GABRB3: variants seen among roughly 807,000 people sequenced by gnomAD.
GABRB3 encodes gamma-aminobutyric acid receptor subunit beta-3.
In GABRB3, 14 loss-of-function variants were observed where a neutral mutation model predicts 52.1. The observed-to-expected ratio is 0.27, with a 90% CI of 0.18 to 0.42. GABRB3 has a LOEUF of 0.42. Among genes scored for constraint, GABRB3 ranks in the 10% least tolerant of loss-of-function variants. The pLI, the probability that GABRB3 is intolerant of heterozygous loss-of-function variation, is 1.00. For synonymous variants in GABRB3, 260 were observed against 232.3 expected, an observed-to-expected ratio of 1.12 and a Z score of -1.08; for missense variants, 307 against 609.1, an observed-to-expected ratio of 0.50 and a Z score of 5.22.
intron 4 of GABRB3, among the ~76,000 whole-genome samples, chr15:26,606,958 A>T (rs1440939469): frequency 6.6e-6 from 1 of 152,046 alleles, no homozygotes; most frequent in East Asian, 1.9e-4. Context: ...AACCTAACTT[A>T]ATAGTATGCA....
chr15:26,549,360 G>C (rs1011236020), intron 8 of GABRB3, among the ~76,000 whole-genome samples: 19 of 152,184 alleles, frequency 1.2e-4, no homozygotes, highest in African/African-American at 4.6e-4. Flanking sequence ...GACTTCAAGG[G>C]GGCTGTGACA....
chr15:26,690,187 C>T lies in GABRB3; in HGVS notation c.241-68653G>A, dbSNP rs1336679471. Among the ~76,000 whole-genome samples, 3 of 149,196 alleles carry T rather than the reference C, an allele frequency of 2.0e-5. No individual in the cohort carries two copies. In the East Asian group the frequency reaches 6.0e-4, roughly 30 times the overall value. On this transcript the variant is annotated intron_variant, in intron 3 of 8. Coordinates refer to ENST00000311550, the MANE Select transcript of GABRB3 (RefSeq NM_000814.6). ...GGTGCAATCATAGCTCAGTGATCCTCCCGCCACAGCATTCTGAGTAACTGG... is the reference window on the plus strand; with the variant it reads ...GGTGCAATCATAGCTCAGTGATCCTTCCGCCACAGCATTCTGAGTAACTGG...
At chr15:26,608,569 A>C (rs765536884) in intron 4 of GABRB3, among the ~76,000 whole-genome samples, 5 of 152,082 alleles carry the variant, frequency 3.3e-5, no homozygotes, top group Non-Finnish European at 7.4e-5. Flanking sequence ...AATATCCAAA[A>C]TATTTAAGGA....
chr15:26,567,167 C>T (rs1179202103), intron 7 of GABRB3, among the ~76,000 whole-genome samples: 3 of 152,128 alleles, frequency 2.0e-5, no homozygotes, highest in African/African-American at 7.2e-5. Context: ...TTTTAATGCT[C>T]ATTAAATTGT....
At chr15:26,655,558 C>T (rs368297663) in intron 3 of GABRB3, among the ~76,000 whole-genome samples, 13 of 151,968 alleles carry the variant, frequency 8.6e-5, no homozygotes, top group Admixed American at 3.3e-4. Flanking sequence ...CTGGCTAACA[C>T]GGTGAAACCC....
intron 3 of GABRB3, among the ~76,000 whole-genome samples, chr15:26,659,992 G>A (rs932787349): frequency 6.6e-6 from 1 of 152,148 alleles, no homozygotes; most frequent in Non-Finnish European, 1.5e-5. Flanking sequence ...AGAACTTTGG[G>A]AGGCCGAGGC....
chr15:26,660,245 G>A (rs1391918309), intron 3 of GABRB3, among the ~76,000 whole-genome samples: 3 of 150,586 alleles, frequency 2.0e-5, no homozygotes, highest in Admixed American at 1.3e-4. Flanking sequence ...AAAAAAAAAA[G>A]AAGGGAAAAT....
At chr15:26,720,605 T>G (rs1889618152) in intron 3 of GABRB3, among the ~76,000 whole-genome samples, 1 of 152,220 alleles carries the variant, frequency 6.6e-6, no homozygotes, top group African/African-American at 2.4e-5. Context: ...AGATTTTACT[T>G]AGACCACAAA....
chr15:26,558,027 G>T (rs2140671967), intron 8 of GABRB3: 1 of 152,210 alleles, frequency 6.6e-6, no homozygotes, highest in Non-Finnish European at 1.5e-5. Context: ...GAGGAAATTT[G>T]GAAAGACAGC....
chr15:26,735,501 A>G (rs2140154874), intron 3 of GABRB3, among the ~76,000 whole-genome samples: 1 of 152,376 alleles, frequency 6.6e-6, no homozygotes, highest in African/African-American at 2.4e-5. Flanking sequence ...CAATAGCTAA[A>G]ATGTAGAAGT....
intron 8 of GABRB3, among the ~76,000 whole-genome samples, chr15:26,554,577 C>A (rs547372896): frequency 6.6e-6 from 1 of 152,116 alleles, no homozygotes; most frequent in Non-Finnish European, 1.5e-5. Context: ...TCTCTTCCCA[C>A]TAGGAAAGTG....
At chr15:26,625,874 C>T (rs1317130319) in intron 3 of GABRB3, among the ~76,000 whole-genome samples, 1 of 152,112 alleles carries the variant, frequency 6.6e-6, no homozygotes, top group African/African-American at 2.4e-5. Context: ...CGTCCTCCAC[C>T]AATTGAGTTG....
At chr15:26,586,002 T>C (rs1175361823) in intron 4 of GABRB3, among the ~76,000 whole-genome samples, 1 of 152,048 alleles carries the variant, frequency 6.6e-6, no homozygotes, top group Non-Finnish European at 1.5e-5. Context: ...TTTGTTTGTT[T>C]GTTTGTTTGT....
At chr15:26,579,104 G>A (rs140856105) in intron 6 of GABRB3, among the ~76,000 whole-genome samples, 6 of 152,308 alleles carry the variant, frequency 3.9e-5, no homozygotes, top group African/African-American at 1.2e-4. Context: ...GTGGAGAGGA[G>A]GGAACGTTGC....
chr15:26,740,031 C>T (rs1595560729), intron 3 of GABRB3, among the ~76,000 whole-genome samples: 1 of 152,156 alleles, frequency 6.6e-6, no homozygotes, highest in Non-Finnish European at 1.5e-5. Context: ...TGCTTTTAAA[C>T]AACGTGTCAA....
intron 6 of GABRB3, 119 bp downstream of exon 6, chr15:26,580,200 A>G (rs771112266): frequency 2.1e-5 from 26 of 1,211,832 alleles, no homozygotes; most frequent in Non-Finnish European, 2.8e-5. Flanking sequence ...TGTGTGAATG[A>G]TAACAGCACT....
intron 3 of GABRB3, among the ~76,000 whole-genome samples, chr15:26,764,021 G>C (rs1175247306): frequency 6.0e-5 from 9 of 151,000 alleles, no homozygotes; most frequent in Non-Finnish European, 1.3e-4. Context: ...ACGGTGGCAT[G>C]AGCCTGTAAT....
At chr15:26,629,868 G>GT (rs1436649238) in intron 3 of GABRB3, among the ~76,000 whole-genome samples, 1 of 152,066 alleles carries the variant, frequency 6.6e-6, no homozygotes, top group African/African-American at 2.4e-5. Context: ...TGACTCGAAC[G>GT]TATTTTGTTA....
At chr15:26,746,044 G>A (rs1357817629) in intron 3 of GABRB3, among the ~76,000 whole-genome samples, 4 of 152,194 alleles carry the variant, frequency 2.6e-5, no homozygotes, top group Admixed American at 1.3e-4. Context: ...CAGAGTGGCT[G>A]TATGATTTTC....
Sources: gnomAD v4.1 joint callset for allele counts (sites outside exome capture counted in the v4.1 genomes callset) on GRCh38, gnomAD v4.1.1 for gene constraint, MANE v1.5 for transcripts, NCBI Gene and HGNC (gene_info 2026-07-23, HGNC 2026-07-21) for gene names.